Variants in AKT3 observed in about 807,000 individuals in gnomAD.
AKT3 encodes the protein RAC-gamma serine/threonine-protein kinase.
A neutral mutation model predicts 65.3 loss-of-function variants in AKT3; 15 were observed. The ratio of observed to expected loss-of-function variants is 0.23; its 90% CI spans 0.15 to 0.35. The LOEUF (loss-of-function observed/expected upper bound fraction) is 0.35, where lower values mean the gene tolerates loss of function less well. AKT3 is among the 10% of genes least tolerant of loss of function. The pLI is 1.00. For synonymous variants in AKT3, 206 were observed against 183.8 expected (o/e 1.12, Z -0.98); for missense variants, 243 against 576.5 (o/e 0.42, Z 5.92).
chr1:243,748,775 T>C (rs1467292057), intron 2 of AKT3, among the ~76,000 whole-genome samples: 1 of 152,168 alleles, frequency 6.6e-6, no homozygotes, highest in Non-Finnish European at 1.5e-5. Flanking sequence ...TGGATAATAA[T>C]TGATCTGCAT....
chr1:243,739,738 C>T (rs1688042679), intron 2 of AKT3: 1 of 152,262 alleles, frequency 6.6e-6, no homozygotes, highest in Admixed American at 6.5e-5. Flanking sequence ...GCTCCCTCCT[C>T]CTTTTCCAGC....
At chr1:243,631,485 C>T (rs1040760769) in intron 6 of AKT3, among the ~76,000 whole-genome samples, 2 of 152,164 alleles carry the variant, frequency 1.3e-5, no homozygotes, top group Non-Finnish European at 2.9e-5. Context: ...GACAAGGTTT[C>T]ACCATATTGG....
intron 2 of AKT3, among the ~76,000 whole-genome samples, chr1:243,795,475 G>GTTTTTTTTTTTTTTTT (rs369512939): frequency 5.7e-5 from 5 of 88,014 alleles, no homozygotes; most frequent in East Asian, 3.6e-4. Context: ...TTTTTTTTTT[G>GTTTTTTTTTTTTTTTT]GTTTTTTTTT....
At chr1:243,488,567 C>T (rs1665569697) in intron 13 of AKT3, 1 of 218,002 alleles carries the variant, frequency 4.6e-6, no homozygotes, top group African/African-American at 2.3e-5. Flanking sequence ...TGCCGGAGCT[C>T]GTGATTGACT....
intron 6 of AKT3, among the ~76,000 whole-genome samples, chr1:243,623,818 T>C (rs1206691870): frequency 1.3e-5 from 2 of 152,174 alleles, no homozygotes; most frequent in Non-Finnish European, 2.9e-5. Context: ...TGAGCCAATT[T>C]CCCAGTGAAT....
intron 2 of AKT3, among the ~76,000 whole-genome samples, chr1:243,752,677 T>A (rs1452221266): frequency 6.6e-5 from 10 of 152,208 alleles, no homozygotes; most frequent in Admixed American, 6.5e-4. Context: ...GGTAGTCCCT[T>A]GGTTTATAAG....
At chr1:243,785,067 T>C (rs1275874399) in intron 2 of AKT3, among the ~76,000 whole-genome samples, 2 of 150,052 alleles carry the variant, frequency 1.3e-5, no homozygotes, top group African/African-American at 4.9e-5. Flanking sequence ...AACTCAATTT[T>C]TTTTTTTTTT....
chr1:243,558,314 G>A lies in AKT3; in HGVS notation c.949-5371C>T, dbSNP rs992264143. ...AGAAATTAATCTCCATGTGTACTAT[G>A]AGCTAACACAATGACTTTGAGCAAA... On this transcript the variant is annotated intron_variant, in intron 10 of 13. Transcript: ENST00000673466. Among the ~76,000 whole-genome samples the A allele has an allele frequency of 1.4e-4, 22 of 151,892 alleles. 1 individual carries two copies. The highest frequency in any genetic ancestry group is 2.5e-4 in the Non-Finnish European group (17 of 67,904).
chr1:243,606,795 T>A (rs1250370862), intron 8 of AKT3, among the ~76,000 whole-genome samples: 1 of 152,200 alleles, frequency 6.6e-6, no homozygotes, highest in African/African-American at 2.4e-5. Context: ...AAAAACAGTT[T>A]TGTGGGCCAG....
intron 2 of AKT3, among the ~76,000 whole-genome samples, chr1:243,720,169 C>A (rs1686787620): frequency 6.6e-6 from 1 of 152,004 alleles, no homozygotes; most frequent in Non-Finnish European, 1.5e-5. Context: ...AATGGTGGCA[C>A]ATGCCTGTAA....
Position 243,781,794 on chromosome 1 carries a change from T to A in AKT3, c.46+61331A>T, listed in dbSNP as rs183054318. On this transcript the variant is annotated intron_variant, in intron 2 of 13. Coordinates refer to ENST00000673466, the MANE Select transcript of AKT3 (RefSeq NM_005465.7). ...ATTTTTGATGAAACCTGGAAAACTA[T>A]TCTAAAATTCACATGGATTGATGGA... Among the ~76,000 whole-genome samples the A allele has an allele frequency of 2.1e-3, 325 of 152,306 alleles. 1 individual carries two copies. The highest frequency in any genetic ancestry group is 3.4e-3 in the Non-Finnish European group (232 of 68,028).
chr1:243,535,981 T>A (rs1302416225), intron 12 of AKT3, among the ~76,000 whole-genome samples: 5 of 152,208 alleles, frequency 3.3e-5, no homozygotes, highest in Non-Finnish European at 7.4e-5. Context: ...TTTGTGATGT[T>A]GAACATTTTT....
intron 8 of AKT3, among the ~76,000 whole-genome samples, chr1:243,574,807 T>A (rs1267511460): frequency 2.6e-5 from 4 of 152,142 alleles, no homozygotes; most frequent in Non-Finnish European, 5.9e-5. Flanking sequence ...TATGTGGAGT[T>A]GCAGTAGTCT....
In AKT3 at chr1:243,502,122, ATACTT is replaced by A. The variant is rs1161358997; in HGVS notation, c.*3122_*3126del. On this transcript the variant is annotated 3_prime_UTR_variant, in exon 14 of 14. Transcript: ENST00000673466. ...AGAGGTTTTCTTTTTATTTAAATAA[ATACTT>A]TACATTTCATGCTTGCCTGTAATGC... 2 of 231,916 alleles carry A rather than the reference ATACTT, an allele frequency of 8.6e-6. No individual in the cohort carries two copies. The highest frequency in any genetic ancestry group is 2.2e-5 in the African/African-American group (1 of 45,286). 14.4% of individuals were successfully genotyped at this position (231,916 alleles called of 1,614,324 possible).
At chr1:243,750,199 G>T (rs1270893619) in intron 2 of AKT3, among the ~76,000 whole-genome samples, 1 of 152,036 alleles carries the variant, frequency 6.6e-6, no homozygotes, top group African/African-American at 2.4e-5. Context: ...TCAAAGTAAT[G>T]CTTTAACCCT....
chr1:243,573,021 C>A lies in AKT3; in HGVS notation c.724G>T (p.Val242Leu). ...ELFFHLSRERVFSEDRTRFYG... is the reference protein window; with the variant it reads ...ELFFHLSRERLFSEDRTRFYG... The stretch of plus-strand genomic sequence containing the variant: ...AAACGTGTGCGGTCCTCAGAGAACA[C>A]CCGCTCTCTCGACAAATGGAAAAAC... Residue 242 changes from valine (V) to leucine (L), a missense_variant, in exon 9 of 14, where the codon GTG becomes TTG. Coordinates refer to ENST00000673466, the MANE Select transcript of AKT3 (RefSeq NM_005465.7). 6.2e-7 allele frequency: 1 copy of A among 1,613,320 alleles called. No individual in the cohort carries two copies. Among genetic ancestry groups the A allele is most frequent in the Non-Finnish European group, 8.5e-7 (1 of 1,179,558 alleles).
Position 243,567,487 on chromosome 1 carries a change from CTTTTTT to C in AKT3, c.820-3645_820-3640del, listed in dbSNP as rs993323556. 3.9e-3 allele frequency among the ~76,000 whole-genome samples: 479 copies of C among 122,294 alleles called. 7 individuals are homozygous for C. Among genetic ancestry groups the C allele is most frequent in the African/African-American group, 0.014 (442 of 31,758 alleles). 80.2% of individuals were successfully genotyped at this position (122,294 alleles called of 152,430 possible). A position where few individuals can be genotyped will look rare whatever the true frequency, so the allele number is the denominator to read the frequency against. On this transcript the variant is annotated intron_variant, in intron 9 of 13. Coordinates refer to ENST00000673466, the MANE Select transcript of AKT3 (RefSeq NM_005465.7). ...CCTGCTAGTTTTTGTTTGTTTCTTC[CTTTTTT>C]TTTTTTTTTTTTTTTTTAAGAGATG... is the stretch of plus-strand genomic sequence containing the variant.
chr1:243,555,824 A>G (rs1419331135), intron 10 of AKT3, among the ~76,000 whole-genome samples: 2 of 152,188 alleles, frequency 1.3e-5, no homozygotes, highest in Non-Finnish European at 2.9e-5. Context: ...ATTTATCTTG[A>G]AGAAATAACT....
At chr1:243,758,369 G>A (rs1429628133) in intron 2 of AKT3, among the ~76,000 whole-genome samples, 4 of 152,182 alleles carry the variant, frequency 2.6e-5, no homozygotes, top group African/African-American at 4.8e-5. Flanking sequence ...GAGGAAGCTC[G>A]ATATAGATAC....
Sources: allele counts gnomAD v4.1 joint callset (sites outside exome capture counted in the v4.1 genomes callset), GRCh38; gene constraint gnomAD v4.1.1; transcripts MANE v1.5; gene names NCBI Gene and HGNC (gene_info 2026-07-23, HGNC 2026-07-21).